The following DAB1 variants were observed in gnomAD, a reference collection of about 807,000 sequenced individuals.
The protein encoded by DAB1 is DAB adaptor protein 1.
A neutral mutation model predicts 64.6 loss-of-function variants in DAB1; 15 were observed. That is an observed-to-expected ratio of 0.23 (90% CI 0.16 to 0.36). The LOEUF (loss-of-function observed/expected upper bound fraction) is 0.36. Ranked by LOEUF, DAB1 falls within the 10% of genes least tolerant of loss-of-function variation. The pLI is 1.00. For missense variants in DAB1, 596 were observed against 706.7 expected (o/e 0.84, Z 1.78); for synonymous variants, 235 against 251.9 (o/e 0.93, Z 0.64).
At chr1:58,185,692 C>T (rs1657035092) in intron 4 of DAB1, among the ~76,000 whole-genome samples, 1 of 152,180 alleles carries the variant, frequency 6.6e-6, no homozygotes, top group Non-Finnish European at 1.5e-5. Flanking sequence ...CAGCTGTTCC[C>T]CTCACTTCCC....
intron 3 of DAB1, among the ~76,000 whole-genome samples, chr1:58,505,375 G>A (rs574201681): frequency 3.9e-5 from 6 of 152,282 alleles, no homozygotes; most frequent in African/African-American, 7.2e-5. Context: ...AGAAGAGAGC[G>A]TGTAACGTGG....
intron 7 of DAB1, among the ~76,000 whole-genome samples, chr1:57,522,151 A>C (rs1644535482): frequency 6.6e-6 from 1 of 152,164 alleles, no homozygotes; most frequent in African/African-American, 2.4e-5. Flanking sequence ...TCTCAGAAAG[A>C]GCTGGTATTT....
chr1:57,464,627 T>G (rs1686895960), intron 7 of DAB1, among the ~76,000 whole-genome samples: 1 of 152,030 alleles, frequency 6.6e-6, no homozygotes, highest in Non-Finnish European at 1.5e-5. Context: ...ATTTCTCAAA[T>G]GAAAGAAGGG....
At chr1:58,029,780 A>G (rs895159204) in intron 5 of DAB1, among the ~76,000 whole-genome samples, 3 of 152,244 alleles carry the variant, frequency 2.0e-5, no homozygotes, top group African/African-American at 7.2e-5. Flanking sequence ...ATTTGCTTTA[A>G]ATATTATGCT....
intron 2 of DAB1, among the ~76,000 whole-genome samples, chr1:57,237,245 C>T (rs751126237): frequency 2.0e-5 from 3 of 152,180 alleles, no homozygotes; most frequent in Non-Finnish European, 4.4e-5. Flanking sequence ...ACATGAGGTA[C>T]ATTTGTTGGG....
At chr1:58,129,393 C>T (rs1475564987) in intron 5 of DAB1, among the ~76,000 whole-genome samples, 80 of 136,434 alleles carry the variant, frequency 5.9e-4, no homozygotes, top group African/African-American at 2.2e-3. Context: ...TTTTGTTGAT[C>T]CTTTCAAAAA....
intron 2 of DAB1, among the ~76,000 whole-genome samples, chr1:57,183,244 A>C (rs1192874090): frequency 1.3e-5 from 2 of 152,188 alleles, no homozygotes; most frequent in Non-Finnish European, 2.9e-5. Flanking sequence ...GGATTTTAGA[A>C]AAGTCTTTCA....
At chr1:57,998,389 C>CTTT (rs3991037) in intron 5 of DAB1, among the ~76,000 whole-genome samples, 6 of 128,780 alleles carry the variant, frequency 4.7e-5, no homozygotes, top group South Asian at 2.7e-4. Flanking sequence ...TTTTTTCTCT[C>CTTT]TTTTTTTTTT....
chr1:58,406,457 C>A (rs1030662715), intron 3 of DAB1, among the ~76,000 whole-genome samples: 24 of 152,240 alleles, frequency 1.6e-4, no homozygotes, highest in African/African-American at 5.8e-4. Flanking sequence ...AGGACATGAT[C>A]CAGCCCTGGG....
chr1:57,474,158 C>G (rs535365252), intron 7 of DAB1, among the ~76,000 whole-genome samples: 7 of 152,276 alleles, frequency 4.6e-5, no homozygotes, highest in Admixed American at 3.9e-4. Context: ...AATATATGAT[C>G]TGAAGAATTC....
At chr1:58,125,911 G>A (rs1653044971) in intron 5 of DAB1, among the ~76,000 whole-genome samples, 1 of 152,046 alleles carries the variant, frequency 6.6e-6, no homozygotes, top group African/African-American at 2.4e-5. Context: ...TGGGGTGGAG[G>A]GGGTCAGTAA....
chr1:58,430,667 C>T (rs1411591419), intron 3 of DAB1, among the ~76,000 whole-genome samples: 2 of 152,154 alleles, frequency 1.3e-5, no homozygotes, highest in Admixed American at 6.5e-5. Context: ...ATTAACCTTG[C>T]CACTTGTTTC....
chr1:57,707,530 G>A (rs66580842), intron 6 of DAB1, among the ~76,000 whole-genome samples: 23,545 of 151,998 alleles, frequency 0.15, 2,340 homozygotes, highest in East Asian at 0.32. Context: ...TTTCTCTGGG[G>A]ATGAATGCCC....
At chr1:57,651,467 C>G (rs1342395099) in intron 6 of DAB1, among the ~76,000 whole-genome samples, 1 of 152,130 alleles carries the variant, frequency 6.6e-6, no homozygotes, top group Non-Finnish European at 1.5e-5. Flanking sequence ...TTAGTCTACT[C>G]ATAAAACTAG....
chr1:57,878,847 G>T (rs1051725515), intron 1 of DAB1: 2 of 151,816 alleles, frequency 1.3e-5, no homozygotes, highest in African/African-American at 4.8e-5. Context: ...CTTCCCAGCC[G>T]CTAGTAACCA....
At chr1:58,160,427 C>T (rs913272321) in intron 4 of DAB1, among the ~76,000 whole-genome samples, 1 of 152,100 alleles carries the variant, frequency 6.6e-6, no homozygotes, top group Non-Finnish European at 1.5e-5. Context: ...TAATGCCACT[C>T]AAGAAAAGCA....
At chr1:58,474,420 C>G (rs1243368141) in intron 3 of DAB1, among the ~76,000 whole-genome samples, 3 of 151,748 alleles carry the variant, frequency 2.0e-5, no homozygotes, top group Admixed American at 6.6e-5. Context: ...AAAGCAACTA[C>G]TTTTGCACCA....
At chr1:57,519,190 A>G (rs1418231116) in intron 7 of DAB1, among the ~76,000 whole-genome samples, 1 of 152,162 alleles carries the variant, frequency 6.6e-6, no homozygotes, top group East Asian at 1.9e-4. Context: ...CTGCATTTGA[A>G]TTAATTCCTT....
intron 4 of DAB1, among the ~76,000 whole-genome samples, chr1:58,266,778 A>G (rs915020560): frequency 6.6e-6 from 1 of 152,236 alleles, no homozygotes; most frequent in African/African-American, 2.4e-5. Flanking sequence ...ACAAAAAACA[A>G]TAATGTAATT....
Sources: gnomAD v4.1 joint callset for allele counts (sites outside exome capture counted in the v4.1 genomes callset) on GRCh38, gnomAD v4.1.1 for gene constraint, MANE v1.5 for transcripts, NCBI Gene and HGNC (gene_info 2026-07-23, HGNC 2026-07-21) for gene names.